The following SORCS2 variants were observed in gnomAD, a reference collection of about 807,000 sequenced individuals.
The protein encoded by SORCS2 is sortilin related VPS10 domain containing receptor 2.
SORCS2 carries 100 observed loss-of-function variants against 141.6 expected under a neutral mutation model. That is an observed-to-expected ratio of 0.71 (90% CI 0.60 to 0.83). The LOEUF (loss-of-function observed/expected upper bound fraction) is 0.83, where lower values mean the gene tolerates loss of function less well. SORCS2 is among the 40% of genes least tolerant of loss of function. SORCS2 has a pLI of 0.00. For missense variants in SORCS2, 1,646 were observed against 1,560.2 expected (o/e 1.05, Z -0.93); for synonymous variants, 789 against 676.9 (o/e 1.17, Z -2.57).
At chr4:7,301,482 A>C (rs1717425559) in intron 1 of SORCS2, among the ~76,000 whole-genome samples, 1 of 152,218 alleles carries the variant, frequency 6.6e-6, no homozygotes, top group African/African-American at 2.4e-5. Flanking sequence ...GTCTTTATGC[A>C]CCAGAGAACT....
chr4:7,381,671 G>T (rs1482662555), intron 1 of SORCS2, among the ~76,000 whole-genome samples: 2 of 152,228 alleles, frequency 1.3e-5, no homozygotes, highest in Non-Finnish European at 2.9e-5. Context: ...TTTCCCAGAA[G>T]AGCAGGCTCT....
At chr4:7,394,263 T>A (rs1362311925) in intron 1 of SORCS2, among the ~76,000 whole-genome samples, 1 of 151,810 alleles carries the variant, frequency 6.6e-6, no homozygotes, top group Non-Finnish European at 1.5e-5. Flanking sequence ...TTTCAGTGAG[T>A]GGTGTGAGTG....
In SORCS2 at chr4:7,373,478, AT is replaced by A. The variant is rs71173496; in HGVS notation, c.481-22782del. 3.8e-4 allele frequency among the ~76,000 whole-genome samples: 14 copies of A among 36,806 alleles called. No individual in the cohort carries two copies. In the South Asian group the frequency reaches 6.6e-3, roughly 17 times the overall value. 24.1% of individuals were successfully genotyped at this position (36,806 alleles called of 152,430 possible). On this transcript the variant is annotated intron_variant, in intron 1 of 26. Coordinates refer to ENST00000507866, the MANE Select transcript of SORCS2 (RefSeq NM_020777.3). ...AACTTTTATATATATATATATATAT[AT>A]TTTTTTTTTTTTTTTTTTTTTTTTT...
At chr4:7,699,379 G>A (rs1416325266) in intron 12 of SORCS2, among the ~76,000 whole-genome samples, 1 of 152,202 alleles carries the variant, frequency 6.6e-6, no homozygotes, top group Non-Finnish European at 1.5e-5. Context: ...CTCCTCCTGG[G>A]TGGATGCAGC....
intron 21 of SORCS2, among the ~76,000 whole-genome samples, chr4:7,727,711 C>T (rs1398035356): frequency 6.6e-6 from 1 of 152,174 alleles, no homozygotes; most frequent in Non-Finnish European, 1.5e-5. Flanking sequence ...GCACTTGTCC[C>T]TTGAGCCCGT....
At chr4:7,458,045 T>C (rs1019633392) in intron 2 of SORCS2, among the ~76,000 whole-genome samples, 5 of 152,160 alleles carry the variant, frequency 3.3e-5, no homozygotes, top group Admixed American at 6.5e-5. Context: ...AACTGCCCAT[T>C]GACCTGGTTG....
chr4:7,320,923 T>G (rs1474930612), intron 1 of SORCS2, among the ~76,000 whole-genome samples: 1 of 140,900 alleles, frequency 7.1e-6, no homozygotes, highest in Admixed American at 7.2e-5. Context: ...TTCCTCTTTC[T>G]CCTTTCTTTT....
intron 1 of SORCS2, among the ~76,000 whole-genome samples, chr4:7,199,765 C>A (rs774915806): frequency 9.9e-5 from 15 of 152,026 alleles, no homozygotes; most frequent in Admixed American, 2.6e-4. Context: ...GACTGTGGAT[C>A]CCCCATGTTC....
intron 1 of SORCS2, among the ~76,000 whole-genome samples, chr4:7,218,646 C>T (rs776660496): frequency 1.4e-4 from 21 of 152,192 alleles, no homozygotes; most frequent in Admixed American, 8.5e-4. Flanking sequence ...GCCTTTTCTG[C>T]ATTTAACTAA....
At chr4:7,520,066 GA>G (rs1560351210) in intron 2 of SORCS2, among the ~76,000 whole-genome samples, 1 of 152,232 alleles carries the variant, frequency 6.6e-6, no homozygotes, top group Non-Finnish European at 1.5e-5. Context: ...CCCTGGTGAT[GA>G]GGGCCCTTGG....
intron 2 of SORCS2, among the ~76,000 whole-genome samples, chr4:7,527,221 G>A (rs115790449): frequency 0.016 from 2,493 of 152,326 alleles, 76 homozygotes; most frequent in African/African-American, 0.056. Flanking sequence ...ACTTGTGGTC[G>A]GCAGAGCAAT....
At chr4:7,642,332 C>A (rs1296490612) in intron 4 of SORCS2, among the ~76,000 whole-genome samples, 1 of 152,208 alleles carries the variant, frequency 6.6e-6, no homozygotes, top group Non-Finnish European at 1.5e-5. Flanking sequence ...AGCACAATCA[C>A]GGAGACTTAT....
intron 22 of SORCS2, 138 bp from the exon 23 acceptor site, chr4:7,729,449 A>G: frequency 1.7e-6 from 2 of 1,174,222 alleles, no homozygotes; most frequent in East Asian, 5.2e-5. Flanking sequence ...AAGGATCCCC[A>G]CGCCATGCAG....
At chr4:7,374,793 T>C (rs1722532407) in intron 1 of SORCS2, among the ~76,000 whole-genome samples, 1 of 152,174 alleles carries the variant, frequency 6.6e-6, no homozygotes, top group South Asian at 2.1e-4. Flanking sequence ...CACAGCCATC[T>C]TGTGCTCCCT....
intron 2 of SORCS2, among the ~76,000 whole-genome samples, chr4:7,455,358 T>C (rs1577593308): frequency 2.3e-5 from 2 of 88,572 alleles, no homozygotes; most frequent in African/African-American, 4.7e-5. Context: ...GGTCAGGCGC[T>C]ATGTTGGGGT....
At chr4:7,342,904 G>A (rs1029642944) in intron 1 of SORCS2, among the ~76,000 whole-genome samples, 5 of 152,210 alleles carry the variant, frequency 3.3e-5, no homozygotes, top group African/African-American at 1.2e-4. Flanking sequence ...TTACCTTGAA[G>A]GTGGTGATGC....
At chr4:7,245,520 G>A (rs1006470856) in intron 1 of SORCS2, among the ~76,000 whole-genome samples, 7 of 152,238 alleles carry the variant, frequency 4.6e-5, no homozygotes, top group East Asian at 1.9e-4. Flanking sequence ...TGCTAGTTGC[G>A]TGGCCTCGGA....
At chr4:7,644,659 C>T (rs990916013) in intron 4 of SORCS2, among the ~76,000 whole-genome samples, 1 of 152,162 alleles carries the variant, frequency 6.6e-6, no homozygotes, top group Non-Finnish European at 1.5e-5. Context: ...CTCGAAGCAC[C>T]TCCAGAAACC....
chr4:7,354,815 T>G (rs1306462880), intron 1 of SORCS2, among the ~76,000 whole-genome samples: 3 of 152,022 alleles, frequency 2.0e-5, no homozygotes, highest in African/African-American at 7.2e-5. Flanking sequence ...AACCCCAGAG[T>G]AAGTGAAACC....
Sources: allele counts gnomAD v4.1 joint callset (sites outside exome capture counted in the v4.1 genomes callset), GRCh38; gene constraint gnomAD v4.1.1; transcripts MANE v1.5; gene names NCBI Gene and HGNC (gene_info 2026-07-23, HGNC 2026-07-21).